Variants in VSTM1 observed in about 807,000 individuals in gnomAD.
VSTM1 encodes the protein V-set and transmembrane domain-containing protein 1.
VSTM1 carries 27 observed loss-of-function variants against 33.1 expected under a neutral mutation model. The ratio of observed to expected loss-of-function variants is 0.82; its 90% CI spans 0.60 to 1.12. The LOEUF is 1.12. Ranked by LOEUF, VSTM1 falls within the 50% of genes most tolerant of loss-of-function variation. The pLI is 0.00. For synonymous variants in VSTM1, 115 were observed against 110.3 expected (o/e 1.04, Z -0.27); for missense variants, 304 against 288.9 (o/e 1.05, Z -0.38).
At chr19:54,043,535 CT>C (rs1190848513) in intron 4 of VSTM1, among the ~76,000 whole-genome samples, 1 of 152,144 alleles carries the variant, frequency 6.6e-6, no homozygotes, top group African/African-American at 2.4e-5. Context: ...CCTTAGCCTC[CT>C]GAGTAGCTGG....
intron 1 of VSTM1, among the ~76,000 whole-genome samples, 172 bp downstream of exon 1, chr19:54,063,572 C>T (rs568779927): frequency 2.0e-4 from 30 of 152,254 alleles, no homozygotes; most frequent in Admixed American, 3.3e-4. Context: ...CTCCTCCTCG[C>T]TTGCATGTGG....
chr19:54,063,763 G>A lies in VSTM1; in HGVS notation c.15C>T (p.Phe5=). 6.2e-7 allele frequency: 1 copy of A among 1,613,876 alleles called. No individual in the cohort carries two copies. Among genetic ancestry groups the A allele is most frequent in the Non-Finnish European group, 8.5e-7 (1 of 1,179,924 alleles). The change falls in exon 1 of 9, where the codon TTC becomes TTT. Residue 5 remains phenylalanine (F), a synonymous_variant. Coordinates refer to ENST00000338372, the MANE Select transcript of VSTM1 (RefSeq NM_198481.4). ...ACTCACCGAGGCAAAGCAGGGAGAG[G>A]AATTCTGCGGTCATAGCGTCCCTTC... is the stretch of plus-strand genomic sequence containing the variant. The part of the protein sequence containing the change: MTAE[F]LSLLCLGLCL...
Position 54,063,849 on chromosome 19 carries a change from GC to G in VSTM1, c.-73del. 2 of 1,556,056 alleles carry G rather than the reference GC, an allele frequency of 1.3e-6. No individual in the cohort carries two copies. The highest frequency in any genetic ancestry group is 4.7e-5 in the East Asian group (2 of 42,244). ...TCAAAGGCGGAGCGGGACTGGGCCGGCCGCAGCTCTCCGGCTGCCCGGTTCG... is the reference window on the plus strand; with the variant it reads ...TCAAAGGCGGAGCGGGACTGGGCCGGCGCAGCTCTCCGGCTGCCCGGTTCG... On this transcript the variant is annotated 5_prime_UTR_variant, in exon 1 of 9. Coordinates refer to ENST00000338372, the MANE Select transcript of VSTM1 (RefSeq NM_198481.4).
intron 8 of VSTM1, 45 bp from the exon 9 acceptor site, chr19:54,041,125 G>A (rs763742822): frequency 6.7e-7 from 1 of 1,487,714 alleles, no homozygotes; most frequent in East Asian, 2.7e-5. Context: ...GTTCAATATG[G>A]CAGCCACTAG....
At chr19:54,061,020 T>C (rs548936554) in intron 1 of VSTM1, among the ~76,000 whole-genome samples, 1,617 of 142,836 alleles carry the variant, frequency 0.011, 19 homozygotes, top group Non-Finnish European at 0.018. Flanking sequence ...TCTTTTCTTT[T>C]TTTTTTTTTT....
chr19:54,058,570 G>A lies in VSTM1; in HGVS notation c.91C>T (p.Leu31Phe), dbSNP rs369534592. Residue 31 changes from leucine (L) to phenylalanine (F), a missense_variant, in exon 3 of 9, where the codon CTC (leucine) becomes TTC (phenylalanine). Coordinates refer to ENST00000338372, the MANE Select transcript of VSTM1 (RefSeq NM_198481.4). The stretch of plus-strand genomic sequence containing the variant: ...ACCACCGAGCTGGGCCAGGCGTGGA[G>A]GGAGGGCTTGGGCGGTTTCTCTGGA... Reference protein sequence around the residue: ...KKNEKPPKPSLHAWPSSVVEA... With the variant: ...KKNEKPPKPSFHAWPSSVVEA... 38 of 1,613,892 alleles carry A rather than the reference G, an allele frequency of 2.4e-5. No individual in the cohort carries two copies. The highest frequency in any genetic ancestry group is 3.1e-5 in the Non-Finnish European group (37 of 1,179,876).
Position 54,041,031 on chromosome 19 carries a change from AG to A in VSTM1, c.640del (p.Leu214CysfsTer21), listed in dbSNP as rs763100953. The A allele has an allele frequency of 1.2e-6, 2 of 1,608,332 alleles. No homozygotes were observed. The highest frequency in any genetic ancestry group is 1.7e-6 in the Non-Finnish European group (2 of 1,178,220). Reference sequence around the variant, plus strand: ...GGTGGTGTCTGAAGCTGCCTCAGACAGGGCGCTGGTGCTTAGCTCAGCATAG... The same window carrying A: ...GGTGGTGTCTGAAGCTGCCTCAGACAGGCGCTGGTGCTTAGCTCAGCATAG... ...VTYAELSTSALSEAASDTTQE... is the reference protein window; with the variant it reads ...VTYAELSTSAXSEAASDTTQE... On this transcript the variant is annotated frameshift_variant, in exon 9 of 9. Coordinates refer to ENST00000338372, the MANE Select transcript of VSTM1 (RefSeq NM_198481.4). LOFTEE classifies it high-confidence loss of function.
At chr19:54,056,160 C>T (rs2071074672) in intron 3 of VSTM1, among the ~76,000 whole-genome samples, 1 of 137,834 alleles carries the variant, frequency 7.3e-6, no homozygotes, top group African/African-American at 2.7e-5. Context: ...CCTCTACACC[C>T]CAAAGCCAAT....
intron 2 of VSTM1, 32 bp from the exon 3 acceptor site, chr19:54,058,622 G>C (rs1194986168): frequency 1.2e-6 from 2 of 1,613,278 alleles, no homozygotes; most frequent in Non-Finnish European, 1.7e-6. Context: ...TTTGAGTCTA[G>C]AATTCAGACG....
rs1555752321 is a variant in VSTM1, at chr19:54,042,810, A to AT, written c.395-442dup. On this transcript the variant is annotated intron_variant, in intron 4 of 8. Transcript: ENST00000338372. The stretch of plus-strand genomic sequence containing the variant: ...TGTGTGTGTATATATAAATGTGTAT[A>AT]TATATATATATATATATATATATAT... Among the ~76,000 whole-genome samples, 50 of 36,248 alleles carry AT rather than the reference A, an allele frequency of 1.4e-3. 1 individual carries two copies. The highest frequency in any genetic ancestry group is 0.015 in the Middle Eastern group (1 of 68). The allele number at this position is 36,248 out of a possible 152,430, so 23.8% of individuals were successfully genotyped here.
At chr19:54,045,534 TTATC>T (rs1484488158) in intron 4 of VSTM1, among the ~76,000 whole-genome samples, 10 of 152,284 alleles carry the variant, frequency 6.6e-5, no homozygotes, top group East Asian at 1.9e-4. Flanking sequence ...TAATTATCAC[TTATC>T]TATCTACCGA....
rs776438379 is a variant in VSTM1 at position 54,058,603 on chromosome 19, C to T, written c.71-13G>A. 1.9e-6 allele frequency: 3 copies of T among 1,613,064 alleles called. No individual in the cohort carries two copies. Among genetic ancestry groups the T allele is most frequent in the Admixed American group, 1.7e-5 (1 of 59,896 alleles). On this transcript the variant is annotated splice_polypyrimidine_tract_variant and intron_variant, in intron 2 of 8. Transcript: ENST00000338372. The stretch of plus-strand genomic sequence containing the variant: ...TTGGGCGGTTTCTCTGGAAACAATT[C>T]AGAGTTAATTTGAGTCTAGAATTCA...
Position 54,063,805 on chromosome 19 carries a change from C to T in VSTM1, c.-28G>A. 1 of 1,613,242 alleles carries T rather than the reference C, an allele frequency of 6.2e-7. No individual in the cohort carries two copies. Among genetic ancestry groups the T allele is most frequent in the Admixed American group, 1.7e-5 (1 of 59,872 alleles). ...CGTCCCTTCTGCCAGAACCAAGGCC[C>T]CGCCTTGGGTTTTACCCTTCAAAGG... On this transcript the variant is annotated 5_prime_UTR_variant, in exon 1 of 9. Transcript: ENST00000338372.
At chr19:54,041,515 A>G (rs1183709284) in intron 8 of VSTM1, among the ~76,000 whole-genome samples, 1 of 151,952 alleles carries the variant, frequency 6.6e-6, no homozygotes, top group Non-Finnish European at 1.5e-5. Flanking sequence ...GTTAACCAGG[A>G]TGGTCTCGAT....
intron 4 of VSTM1, among the ~76,000 whole-genome samples, chr19:54,047,128 G>A (rs1395853868): frequency 5.9e-5 from 9 of 152,048 alleles, no homozygotes; most frequent in African/African-American, 9.7e-5. Context: ...CTGGTAGGCG[G>A]AGGTTGCAGT....
chr19:54,042,831 T>TATATATATATATAC (rs2070381893), intron 4 of VSTM1, among the ~76,000 whole-genome samples: 1 of 74,078 alleles, frequency 1.3e-5, no homozygotes, highest in Non-Finnish European at 2.9e-5. Context: ...TATATATATA[T>TATATATATATATAC]ATATATACAT....
intron 4 of VSTM1, among the ~76,000 whole-genome samples, chr19:54,042,808 A>ATG (rs1353045102): frequency 2.1e-5 from 1 of 47,246 alleles, no homozygotes; most frequent in Non-Finnish European, 4.7e-5. Flanking sequence ...ATAAATGTGT[A>ATG]TATATATATA....
intron 4 of VSTM1, among the ~76,000 whole-genome samples, chr19:54,051,120 C>CAT (rs2070818236): frequency 6.6e-6 from 1 of 150,610 alleles, no homozygotes; most frequent in Admixed American, 6.6e-5. Flanking sequence ...GGTGAAACCC[C>CAT]GTCTCTACTA....
intron 4 of VSTM1, among the ~76,000 whole-genome samples, chr19:54,047,301 AT>A (rs35591694): frequency 0.13 from 19,863 of 148,278 alleles, 1,401 homozygotes; most frequent in Middle Eastern, 0.23. Context: ...AAAAGCAACA[AT>A]TTTTTTTTTT....
Sources: allele counts gnomAD v4.1 joint callset (sites outside exome capture counted in the v4.1 genomes callset), GRCh38; gene constraint gnomAD v4.1.1; transcripts MANE v1.5; gene names NCBI Gene and HGNC (gene_info 2026-07-23, HGNC 2026-07-21).